The following VPS51 variants were observed in gnomAD, a reference collection of about 807,000 sequenced individuals.
VPS51 encodes vacuolar protein sorting-associated protein 51 homolog.
A neutral mutation model predicts 65.1 loss-of-function variants in VPS51; 55 were observed. The ratio of observed to expected loss-of-function variants is 0.84; its 90% CI spans 0.68 to 1.06. VPS51 has a LOEUF of 1.06. Ranked by LOEUF, VPS51 falls within the 50% of genes least tolerant of loss-of-function variation. The pLI, the probability that VPS51 is intolerant of heterozygous loss-of-function variation, is 0.00. For missense variants in VPS51, 943 were observed against 1,101.6 expected, an observed-to-expected ratio of 0.86 and a Z score of 2.04; for synonymous variants, 473 against 489.5, an observed-to-expected ratio of 0.97 and a Z score of 0.44.
At position 65,096,247 on chromosome 11, in the gene VPS51, A is replaced by G; in HGVS notation, c.-4A>G. Reference sequence around the variant, plus strand: ...CCTCACGCCCGTGGGCTGCAGTTGGAACGATGGCGGCGGCAGCTGCCGCCG... The same window carrying G: ...CCTCACGCCCGTGGGCTGCAGTTGGGACGATGGCGGCGGCAGCTGCCGCCG... On this transcript the variant is annotated 5_prime_UTR_variant, in exon 1 of 10. Coordinates refer to ENST00000279281, the MANE Select transcript of VPS51 (RefSeq NM_013265.4). 6.6e-7 allele frequency: 1 copy of G among 1,524,924 alleles called. No homozygotes were observed. Among genetic ancestry groups the G allele is most frequent in the Non-Finnish European group, 8.8e-7 (1 of 1,139,654 alleles). The allele number at this position is 1,524,924 out of a possible 1,614,324, so 94.5% of individuals were successfully genotyped here. A position where few individuals can be genotyped will look rare whatever the true frequency, so the allele number is the denominator to read the frequency against.
In VPS51 at chr11:65,100,620, TC is replaced by T. The variant is rs1286541758; in HGVS notation, c.358+3497del. Among the ~76,000 whole-genome samples, 6 of 137,830 alleles carry T rather than the reference TC, an allele frequency of 4.4e-5. No homozygotes were observed. The East Asian group carries it at 1.4e-3, about 33-fold the overall frequency. 90.4% of individuals were successfully genotyped at this position (137,830 alleles called of 152,430 possible). On this transcript the variant is annotated intron_variant, in intron 2 of 9. Coordinates refer to ENST00000279281, the MANE Select transcript of VPS51 (RefSeq NM_013265.4). Reference sequence around the variant, plus strand: ...ATCTTGGCTCACTGTAACCTCCGCCTCCCCAGTTCAAGCGATTCTCCTGCCT... The same window carrying T: ...ATCTTGGCTCACTGTAACCTCCGCCTCCCAGTTCAAGCGATTCTCCTGCCT...
chr11:65,096,328 T>C lies in VPS51; in HGVS notation c.78T>C (p.Ala26=). 2.0e-6 allele frequency: 3 copies of C among 1,510,300 alleles called. No individual in the cohort carries two copies. The highest frequency in any genetic ancestry group is 2.6e-6 in the Non-Finnish European group (3 of 1,135,022). The allele number at this position is 1,510,300 out of a possible 1,614,324, so 93.6% of individuals were successfully genotyped here. ...CCCCAGAAGGGCCCGAGGGGGAGGCTCCGGAGCGTCGGCGGAAGGCGCACG... is the reference window on the plus strand; with the variant it reads ...CCCCAGAAGGGCCCGAGGGGGAGGCCCCGGAGCGTCGGCGGAAGGCGCACG... ...GDSPEGPEGE[A]PERRRKAHGM... Residue 26 remains alanine, a synonymous_variant, in exon 1 of 10, where the codon GCT becomes GCC. Transcript: ENST00000279281.
rs751656725 is a variant in VPS51 at position 65,109,335 on chromosome 11, CTA to C, written c.1501_1502del (p.Met501ValfsTer46). On this transcript the variant is annotated frameshift_variant, in exon 6 of 10. Coordinates refer to ENST00000279281, the MANE Select transcript of VPS51 (RefSeq NM_013265.4). LOFTEE classifies it high-confidence loss of function. The stretch of plus-strand genomic sequence containing the variant: ...GGCCTCATCGTGGGCTTCGTCCACT[CTA>C]TGTGCCAGACGGCTCAGAGCTTCTG... The C allele has an allele frequency of 4.3e-6, 7 of 1,613,512 alleles. No individual in the cohort carries two copies. Among genetic ancestry groups the C allele is most frequent in the Non-Finnish European group, 5.9e-6 (7 of 1,179,956 alleles).
intron 2 of VPS51, among the ~76,000 whole-genome samples, chr11:65,106,750 C>CAAA (rs34281986): frequency 2.3e-5 from 3 of 131,692 alleles, no homozygotes; most frequent in East Asian, 2.2e-4. Flanking sequence ...GACTCAGTCT[C>CAAA]AAAAAAAAAA....
chr11:65,108,638 CG>C lies in VPS51; in HGVS notation c.1170del (p.Leu391SerfsTer32). ...CTCCCGGGGCCCTGCTGGCCGCTGC[CG>C]GGCTCGCAGACGCTGCCACGGAGAT... ...RAPGALLAAA[G>X]LADAATEIVE... On this transcript the variant is annotated frameshift_variant, in exon 5 of 10. Coordinates refer to ENST00000279281, the MANE Select transcript of VPS51 (RefSeq NM_013265.4). LOFTEE classifies it high-confidence loss of function. 6.5e-7 allele frequency: 1 copy of C among 1,535,214 alleles called. No homozygotes were observed. Among genetic ancestry groups the C allele is most frequent in the Non-Finnish European group, 8.7e-7 (1 of 1,149,000 alleles).
At chr11:65,110,456 C>T in intron 7 of VPS51, 26 bp from the exon 8 acceptor site, 1 of 1,613,746 alleles carries the variant, frequency 6.2e-7, no homozygotes, top group East Asian at 2.2e-5. Flanking sequence ...CTCGGGCCTC[C>T]TTGCAGTACC....
In VPS51 at chr11:65,109,391, A is replaced by G; in HGVS notation, c.1555A>G (p.Thr519Ala). Residue 519 changes from threonine to alanine, a missense_variant, in exon 6 of 10, where the codon ACA becomes GCA. By Grantham distance (58) the Thr-to-Ala change is moderately conservative. Transcript: ENST00000279281. ...CAGCCCTGGGGAGAAGGGGGGTGCC[A>G]CACCACCTGCCCTGCTCCTGCTGCT... ...CDSPGEKGGATPPALLLLLSR... is the reference protein window; with the variant it reads ...CDSPGEKGGAAPPALLLLLSR... 1 of 1,612,188 alleles carries G rather than the reference A, an allele frequency of 6.2e-7. No individual in the cohort carries two copies. The highest frequency in any genetic ancestry group is 8.5e-7 in the Non-Finnish European group (1 of 1,180,006).
At chr11:65,108,146 C>T (rs1051274740) in intron 4 of VPS51, 51 bp from the exon 5 acceptor site, 14 of 1,577,566 alleles carry the variant, frequency 8.9e-6, no homozygotes, top group Non-Finnish European at 1.2e-5. Flanking sequence ...TGCTCCTGCC[C>T]CATCCACCGG....
rs868156032 is a variant in VPS51, at chr11:65,108,451, C to T, written c.980C>T (p.Ala327Val). 10 of 1,610,784 alleles carry T rather than the reference C, an allele frequency of 6.2e-6. No homozygotes were observed. The highest frequency in any genetic ancestry group is 2.2e-5 in the East Asian group (1 of 44,846). ...QVAAAYQELF[A>V]AQGPAGAEKL... is the part of the protein sequence containing the mutation. ...GCGGCGGCCTACCAGGAGCTGTTTG[C>T]GGCCCAGGGCCCAGCAGGTGCCGAG... The change falls in exon 5 of 10, where the codon GCG becomes GTG. Residue 327 changes from alanine to valine, a missense_variant. Around this residue, in one of 2 missense-constraint regions of VPS51, gnomAD observed 855 missense variants for 953.7 expected, o/e 0.90. Coordinates refer to ENST00000279281, the MANE Select transcript of VPS51 (RefSeq NM_013265.4).
At chr11:65,110,915 T>C (rs1947893084) in intron 9 of VPS51, 134 bp downstream of exon 9, 1 of 1,090,434 alleles carries the variant, frequency 9.2e-7, no homozygotes, top group African/African-American at 1.6e-5. Flanking sequence ...TCTCTGTCTC[T>C]AGGGCTGTTT....
Position 65,107,793 on chromosome 11 carries a change from C to A in VPS51, c.506-10C>A. 6.3e-7 allele frequency: 1 copy of A among 1,595,332 alleles called. No homozygotes were observed. Among genetic ancestry groups the A allele is most frequent in the Non-Finnish European group, 8.5e-7 (1 of 1,172,498 alleles). On this transcript the variant is annotated splice_polypyrimidine_tract_variant and intron_variant, in intron 3 of 9. Transcript: ENST00000279281. This position sits in a 1 kb window ranked among gnomAD's most constrained non-coding sequence, Gnocchi z 4.0. ...GGGCTCTGGGGCTAACGTCACCCTC[C>A]GTCCCCCAGGGGTCCACGCGCTGCT... is the stretch of plus-strand genomic sequence containing the variant.
intron 1 of VPS51, 110 bp downstream of exon 1, chr11:65,096,588 G>T: frequency 9.7e-7 from 1 of 1,027,044 alleles, no homozygotes. Flanking sequence ...GTTCAGGAGA[G>T]CAGGTGTTCA....
intron 2 of VPS51, among the ~76,000 whole-genome samples, chr11:65,106,547 C>T (rs1025032521): frequency 6.6e-6 from 1 of 152,092 alleles, no homozygotes; most frequent in Non-Finnish European, 1.5e-5. Context: ...GTCAGGAGAT[C>T]AAGACCATCC....
At position 65,108,324 on chromosome 11, in the gene VPS51, A is replaced by G. The variant is rs768605472; in HGVS notation, c.853A>G (p.Arg285Gly). 1 of 1,610,310 alleles carries G rather than the reference A, an allele frequency of 6.2e-7. No homozygotes were observed. The highest frequency in any genetic ancestry group is 2.2e-5 in the East Asian group (1 of 44,826). ...CCGCGGCCGGCTGGAGAAGGAGCTG[A>G]GAAACCTGGAGGCCGAGCTGGGGCC... ...HARGRLEKEL[R>G]NLEAELGPSP... The change falls in exon 5 of 10, where the codon AGA (arginine) becomes GGA (glycine). Residue 285 changes from arginine (R) to glycine (G), a missense_variant. This residue lies in a region of VPS51 where 855 missense variants were observed against 953.7 expected (regional missense o/e 0.90). Transcript: ENST00000279281.
intron 2 of VPS51, among the ~76,000 whole-genome samples, chr11:65,097,554 C>G (rs979736948): frequency 3.3e-5 from 5 of 152,056 alleles, no homozygotes; most frequent in Non-Finnish European, 7.4e-5. Flanking sequence ...ATGTATTTAT[C>G]TGAAGCACTT....
intron 2 of VPS51, among the ~76,000 whole-genome samples, chr11:65,103,839 T>C (rs911819377): frequency 6.6e-6 from 1 of 152,054 alleles, no homozygotes; most frequent in African/African-American, 2.4e-5. Flanking sequence ...TCTTTGACAA[T>C]CTGAGAAGTG....
At chr11:65,096,508 G>A in intron 1 of VPS51, 30 bp downstream of exon 1, 3 of 1,113,774 alleles carry the variant, frequency 2.7e-6, no homozygotes, top group Non-Finnish European at 3.8e-6. Flanking sequence ...GGGGGGGTGC[G>A]GGGAGGGGGG....
chr11:65,098,188 AAATAAT>A (rs905735492), intron 2 of VPS51, among the ~76,000 whole-genome samples: 1 of 152,066 alleles, frequency 6.6e-6, no homozygotes, highest in Non-Finnish European at 1.5e-5. Flanking sequence ...CTGAAAAAAA[AAATAAT>A]AAGAAGAAGA....
chr11:65,107,364 G>C lies in VPS51; in HGVS notation c.359-217G>C, dbSNP rs1378685766. The C allele has an allele frequency of 9.3e-6, 6 of 643,080 alleles. No individual in the cohort carries two copies. The highest frequency in any genetic ancestry group is 8.3e-6 in the Non-Finnish European group (3 of 361,366). 39.8% of individuals were successfully genotyped at this position (643,080 alleles called of 1,614,324 possible). A position where few individuals can be genotyped will look rare whatever the true frequency, so the allele number is the denominator to read the frequency against. On this transcript the variant is annotated intron_variant, in intron 2 of 9. Coordinates refer to ENST00000279281, the MANE Select transcript of VPS51 (RefSeq NM_013265.4). The surrounding 1 kb of genome is among the most constrained non-coding windows in gnomAD (Gnocchi z 4.0). ...CTGGGCACCAGGGTTAGGGGGTTAC[G>C]GGGAGTATGTGAGTAACGCCTGCTT...
Sources: gnomAD v4.1 joint callset for allele counts (sites outside exome capture counted in the v4.1 genomes callset) on GRCh38, gnomAD v4.1.1 for gene constraint, gnomAD v4.1.1 regional missense constraint, Gnocchi (gnomAD v3.1) non-coding constraint, MANE v1.5 for transcripts, NCBI Gene and HGNC (gene_info 2026-07-23, HGNC 2026-07-21) for gene names.